The following TRIP12 variants were observed in gnomAD, a reference collection of about 807,000 sequenced individuals.
TRIP12 encodes thyroid hormone receptor interactor 12.
Under a neutral mutation model 244.2 loss-of-function variants are expected in TRIP12, and 25 were observed. That is an observed-to-expected ratio of 0.10 (90% CI 0.07 to 0.14). The LOEUF (loss-of-function observed/expected upper bound fraction) is 0.14. Among genes scored for constraint, TRIP12 ranks in the 10% least tolerant of loss-of-function variants. The pLI is 1.00. For missense variants in TRIP12, 1,677 were observed against 2,486.4 expected (o/e 0.67, Z 6.92); for synonymous variants, 905 against 873.1 (o/e 1.04, Z -0.64).
chr2:229,912,732 G>GT (rs1274466447), intron 1 of TRIP12, among the ~76,000 whole-genome samples: 5 of 152,124 alleles, frequency 3.3e-5, no homozygotes, highest in African/African-American at 4.8e-5. Context: ...TGCTGTAGTC[G>GT]TAAGTTTCAA....
intron 38 of TRIP12, among the ~76,000 whole-genome samples, chr2:229,772,939 G>C (rs1447984290): frequency 5.9e-5 from 9 of 151,936 alleles, no homozygotes; most frequent in East Asian, 5.8e-4. Flanking sequence ...CCAATGTCAG[G>C]AATAAACCAA....
intron 25 of TRIP12, among the ~76,000 whole-genome samples, chr2:229,795,839 G>C (rs1465388492): frequency 1.3e-5 from 2 of 152,162 alleles, no homozygotes; most frequent in Non-Finnish European, 2.9e-5. Flanking sequence ...CGCTTCTAAT[G>C]AATCTCCAAT....
At chr2:229,782,846 T>C (rs1343018514) in intron 34 of TRIP12, among the ~76,000 whole-genome samples, 1 of 152,206 alleles carries the variant, frequency 6.6e-6, no homozygotes, top group African/African-American at 2.4e-5. Context: ...TATTATTACC[T>C]ACATTTTACA....
intron 17 of TRIP12, chr2:229,806,183 C>A (rs1343528438): frequency 3.6e-5 from 8 of 223,018 alleles, no homozygotes; most frequent in Non-Finnish European, 8.7e-6. Flanking sequence ...AAAGAAGACA[C>A]CATTTGTATT....
At chr2:229,787,410 A>G in intron 33 of TRIP12, 95 bp downstream of exon 33, 1 of 1,354,462 alleles carries the variant, frequency 7.4e-7, no homozygotes, top group South Asian at 1.6e-5. Flanking sequence ...CAAGGCCTCC[A>G]AGACCAACAT....
rs538847779 is a variant in TRIP12 at position 229,879,948 on chromosome 2, C to T, written c.98+34G>A. On this transcript the variant is annotated intron_variant, in intron 2 of 41. Coordinates refer to ENST00000675903, the MANE Select transcript of TRIP12 (RefSeq NM_001348323.3). ...CTTAAAAATATTTTTTCTTTTATTC[C>T]CAATTCCTTTTCAAATTACCATGAA... 1.9e-5 allele frequency: 30 copies of T among 1,608,578 alleles called. 1 individual carries two copies. The South Asian group carries it at 3.2e-4, about 17-fold the overall frequency.
intron 2 of TRIP12, among the ~76,000 whole-genome samples, chr2:229,864,580 T>G (rs1468664199): frequency 2.0e-5 from 3 of 151,890 alleles, no homozygotes; most frequent in Non-Finnish European, 4.4e-5. Flanking sequence ...TTTTTTTTTT[T>G]GGTGTAATGT....
At chr2:229,876,199 C>G (rs1443831828) in intron 2 of TRIP12, among the ~76,000 whole-genome samples, 2 of 152,122 alleles carry the variant, frequency 1.3e-5, no homozygotes, top group Admixed American at 1.3e-4. Context: ...TTGCTAGAAC[C>G]CAGGGGGAGG....
chr2:229,868,744 G>A (rs1188358084), intron 2 of TRIP12, among the ~76,000 whole-genome samples: 2 of 152,152 alleles, frequency 1.3e-5, no homozygotes, highest in Admixed American at 6.5e-5. Flanking sequence ...GAAAACACAC[G>A]GGACCAGTGG....
rs1480150068 is a variant in TRIP12, at chr2:229,864,021, AGAGAGAGAGAGAGAGAGAGAGAGAGAGT to A, written c.99-3518_99-3491del. 9.0e-3 allele frequency among the ~76,000 whole-genome samples: 1,255 copies of A among 139,110 alleles called. 8 individuals carry two copies. The highest frequency in any genetic ancestry group is 0.012 in the Non-Finnish European group (760 of 64,666). 91.3% of individuals were successfully genotyped at this position (139,110 alleles called of 152,430 possible). ...TTGGGTGAAAGAGAGAGAGAGAGAG[AGAGAGAGAGAGAGAGAGAGAGAGAGAGT>A]GTGTGTGTGTGTGTGTGTGTGTGTG... is the stretch of plus-strand genomic sequence containing the variant. On this transcript the variant is annotated intron_variant, in intron 2 of 41. Transcript: ENST00000675903.
rs529062568 is a variant in TRIP12, at chr2:229,846,055, G to A, written c.1028-5128C>T. 1.8e-3 allele frequency among the ~76,000 whole-genome samples: 266 copies of A among 146,788 alleles called. 1 individual carries two copies. The highest frequency in any genetic ancestry group is 5.2e-3 in the Admixed American group (76 of 14,688). Reference sequence around the variant, plus strand: ...AAGGTGGGGGGGGCAGGTAGTTTTTGTCTTGAGATGGAATTTATTCATGGA... The same window carrying A: ...AAGGTGGGGGGGGCAGGTAGTTTTTATCTTGAGATGGAATTTATTCATGGA... On this transcript the variant is annotated intron_variant, in intron 4 of 41. Transcript: ENST00000675903.
At chr2:229,829,764 C>A (rs945817102) in intron 7 of TRIP12, among the ~76,000 whole-genome samples, 1 of 152,164 alleles carries the variant, frequency 6.6e-6, no homozygotes, top group African/African-American at 2.4e-5. Flanking sequence ...GCCTGGCCAA[C>A]ATGATGAAAG....
chr2:229,803,000 T>C (rs1215850930), intron 20 of TRIP12, among the ~76,000 whole-genome samples: 1 of 152,180 alleles, frequency 6.6e-6, no homozygotes, highest in Non-Finnish European at 1.5e-5. Context: ...CCCGGAATCA[T>C]AGGAGAGTAT....
chr2:229,891,041 G>T (rs2067227550), intron 1 of TRIP12, among the ~76,000 whole-genome samples: 1 of 152,186 alleles, frequency 6.6e-6, no homozygotes, highest in Non-Finnish European at 1.5e-5. Context: ...ACTATGGGAG[G>T]CCAAGGCACA....
intron 8 of TRIP12, among the ~76,000 whole-genome samples, chr2:229,826,837 C>G (rs2051768607): frequency 6.6e-6 from 1 of 152,150 alleles, no homozygotes; most frequent in Non-Finnish European, 1.5e-5. Context: ...GTATAGGGCA[C>G]TTACCATGAA....
At chr2:229,818,646 A>G in intron 8 of TRIP12, 134 bp from the exon 9 acceptor site, 3 of 763,054 alleles carry the variant, frequency 3.9e-6, no homozygotes, top group Non-Finnish European at 6.2e-6. Flanking sequence ...TACCAGGGTT[A>G]AGGCTCACTG....
chr2:229,816,127 G>A (rs2048435732), intron 9 of TRIP12, among the ~76,000 whole-genome samples: 1 of 152,016 alleles, frequency 6.6e-6, no homozygotes, highest in African/African-American at 2.4e-5. Context: ...AGCTTGTTAA[G>A]TACCCTTCAA....
At chr2:229,903,683 AG>A (rs2071747028) in intron 1 of TRIP12, among the ~76,000 whole-genome samples, 2 of 152,202 alleles carry the variant, frequency 1.3e-5, no homozygotes, top group East Asian at 1.9e-4. Flanking sequence ...AGATACTCCA[AG>A]GTAATACAAA....
chr2:229,879,263 T>A (rs2064319791), intron 2 of TRIP12, among the ~76,000 whole-genome samples: 1 of 152,054 alleles, frequency 6.6e-6, no homozygotes, highest in Non-Finnish European at 1.5e-5. Context: ...AACAAAAAAA[T>A]TTAACAATTA....
Sources: gnomAD v4.1 joint callset for allele counts (sites outside exome capture counted in the v4.1 genomes callset) on GRCh38, gnomAD v4.1.1 for gene constraint, MANE v1.5 for transcripts, NCBI Gene and HGNC (gene_info 2026-07-23, HGNC 2026-07-21) for gene names.